Variants in GTF2H3 observed in about 807,000 individuals in gnomAD.
The protein encoded by GTF2H3 is TFIIH basal transcription factor complex p34 subunit.
Under a neutral mutation model 51.1 loss-of-function variants are expected in GTF2H3, and 42 were observed. The ratio of observed to expected loss-of-function variants is 0.82; its 90% CI spans 0.64 to 1.06. The LOEUF is 1.06. GTF2H3 is among the 50% of genes least tolerant of loss of function. The pLI is 0.00. For missense variants in GTF2H3, 326 were observed against 366.1 expected (o/e 0.89, Z 0.89); for synonymous variants, 123 against 123.8 (o/e 0.99, Z 0.04).
chr12:123,651,357 G>A lies in GTF2H3; in HGVS notation c.427+301G>A, dbSNP rs1318807163. 2.6e-5 allele frequency among the ~76,000 whole-genome samples: 4 copies of A among 151,982 alleles called. No homozygotes were observed. The East Asian group carries it at 5.8e-4, about 22-fold the overall frequency. On this transcript the variant is annotated intron_variant, in intron 5 of 12. Coordinates refer to ENST00000543341, the MANE Select transcript of GTF2H3 (RefSeq NM_001516.5). ...TCCCAAGTAGCTGGTACAGGCACCC[G>A]CCATCACTCCCGGCTAATTTTTTTT... is the stretch of plus-strand genomic sequence containing the variant.
In GTF2H3 at chr12:123,652,094, G is replaced by A. The variant is rs186421608; in HGVS notation, c.428-438G>A. ...TAGGTGAACGGGTTGTTTTGCATAG[G>A]GCAATACCTTTTCATTTTATCTGTG... On this transcript the variant is annotated intron_variant, in intron 5 of 12. Transcript: ENST00000543341. Among the ~76,000 whole-genome samples the A allele has an allele frequency of 2.0e-3, 299 of 152,196 alleles. 1 individual carries two copies. Among genetic ancestry groups the A allele is most frequent in the African/African-American group, 6.6e-3 (272 of 41,496 alleles).
rs1955534147 is a variant in GTF2H3 at position 123,652,730 on chromosome 12, A to T, written c.481A>T (p.Ile161Leu). Reference sequence around the variant, plus strand: ...AGACAATCAGGAAATGAAATCAAGGATATTGGTAAGATAAAAAAATCATTA... The same window carrying T: ...AGACAATCAGGAAATGAAATCAAGGTTATTGGTAAGATAAAAAAATCATTA... ...VKDNQEMKSR[I>L]LVIKAAEDSA... The change falls in exon 7 of 13, where the codon ATA becomes TTA. Residue 161 changes from isoleucine to leucine, a missense_variant. Physicochemically the swap from Ile to Leu is conservative, Grantham distance 5 (BLOSUM62 2). Coordinates refer to ENST00000543341, the MANE Select transcript of GTF2H3 (RefSeq NM_001516.5). 1.3e-6 allele frequency: 2 copies of T among 1,498,696 alleles called. No homozygotes were observed. The highest frequency in any genetic ancestry group is 2.2e-5 in the Admixed American group (1 of 46,066). The allele number at this position is 1,498,696 out of a possible 1,614,324, so 92.8% of individuals were successfully genotyped here. A position where few individuals can be genotyped will look rare whatever the true frequency, so the allele number is the denominator to read the frequency against.
chr12:123,652,239 A>G (rs1955529501), intron 5 of GTF2H3, among the ~76,000 whole-genome samples: 1 of 152,244 alleles, frequency 6.6e-6, no homozygotes, highest in Non-Finnish European at 1.5e-5. Flanking sequence ...TACTTGTCCC[A>G]GGATTCAAAT....
intron 2 of GTF2H3, 25 bp downstream of exon 2, chr12:123,639,368 G>A (rs1306646943): frequency 3.4e-6 from 4 of 1,193,584 alleles, no homozygotes; most frequent in Non-Finnish European, 5.0e-6. Context: ...GGAGGCCTTT[G>A]GAGAATTCTG....
chr12:123,642,046 G>T (rs564181960), intron 2 of GTF2H3, among the ~76,000 whole-genome samples: 2 of 151,764 alleles, frequency 1.3e-5, no homozygotes, highest in Admixed American at 1.3e-4. Flanking sequence ...TAGTGACAGG[G>T]TTTCACCATA....
intron 1 of GTF2H3, among the ~76,000 whole-genome samples, chr12:123,638,942 CCCA>C (rs1440221373): frequency 6.6e-6 from 1 of 151,832 alleles, no homozygotes; most frequent in Non-Finnish European, 1.5e-5. Context: ...ACTACAGGCG[CCCA>C]CCACCACGCC....
intron 8 of GTF2H3, 91 bp from the exon 9 acceptor site, chr12:123,655,680 T>A: frequency 1.3e-6 from 1 of 772,280 alleles, no homozygotes; most frequent in Non-Finnish European, 2.2e-6. Flanking sequence ...TGAGCTATTT[T>A]AAGCATAGAG....
chr12:123,645,404 G>T, intron 2 of GTF2H3, 51 bp from the exon 3 acceptor site: 1 of 964,656 alleles, frequency 1.0e-6, no homozygotes, highest in South Asian at 1.3e-5. Flanking sequence ...GACCTGACAT[G>T]GTTATTTGGA....
intron 8 of GTF2H3, 43 bp from the exon 9 acceptor site, chr12:123,655,725 CATT>C: frequency 1.8e-6 from 2 of 1,118,014 alleles, no homozygotes; most frequent in Admixed American, 3.4e-5. Flanking sequence ...ATAGGGTAAT[CATT>C]ATTGTTATTA....
chr12:123,657,362 A>G (rs1166987947), intron 9 of GTF2H3, among the ~76,000 whole-genome samples: 2 of 152,278 alleles, frequency 1.3e-5, no homozygotes, highest in East Asian at 3.9e-4. Flanking sequence ...TTTGCCCCGC[A>G]TCTTCCACAC....
At position 123,645,458 on chromosome 12, in the gene GTF2H3, A is replaced by G; in HGVS notation, c.97A>G (p.Thr33Ala). The change falls in exon 3 of 13, where the codon ACT (threonine) becomes GCT (alanine). Residue 33 changes from threonine to alanine, a missense_variant. Physicochemically the swap from Thr to Ala is moderately conservative, Grantham distance 58 (BLOSUM62 0). Coordinates refer to ENST00000543341, the MANE Select transcript of GTF2H3 (RefSeq NM_001516.5). ...GKQALKESQF[T>A]LSKCIDAVMV... ...AATGTCTTTTTTTTTCCAACAGTTC[A>G]CTTTATCCAAATGCATAGATGCCGT... is the stretch of plus-strand genomic sequence containing the variant. The G allele has an allele frequency of 6.4e-7, 1 of 1,550,872 alleles. No homozygotes were observed. Among genetic ancestry groups the G allele is most frequent in the Non-Finnish European group, 8.9e-7 (1 of 1,123,690 alleles).
At chr12:123,650,552 G>C (rs941331595) in intron 4 of GTF2H3, 1 of 157,656 alleles carries the variant, frequency 6.3e-6, no homozygotes, top group Non-Finnish European at 1.4e-5. Flanking sequence ...CCATTTTACC[G>C]ATTTTTAGAA....
chr12:123,659,360 C>G (rs1246306721), intron 9 of GTF2H3, 156 bp from the exon 10 acceptor site: 1 of 659,178 alleles, frequency 1.5e-6, no homozygotes, highest in Non-Finnish European at 2.7e-6. Flanking sequence ...GAGCAAGACT[C>G]TGTCAAAATA....
chr12:123,655,283 G>T (rs1404720111), intron 8 of GTF2H3, among the ~76,000 whole-genome samples: 1 of 152,084 alleles, frequency 6.6e-6, no homozygotes, highest in East Asian at 1.9e-4. Flanking sequence ...AAGAATCCCT[G>T]GTTTGACAGT....
rs1170003882 is a variant in GTF2H3 at position 123,660,154 on chromosome 12, C to G, written c.858-12C>G. 2 of 1,608,982 alleles carry G rather than the reference C, an allele frequency of 1.2e-6. No homozygotes were observed. The highest frequency in any genetic ancestry group is 1.7e-4 in the Middle Eastern group (1 of 5,874). ...AGAACATTAAAAAATGTTTTCCTCTCTGTAATTTCAGGACAGCCTTTAAAA... is the reference window on the plus strand; with the variant it reads ...AGAACATTAAAAAATGTTTTCCTCTGTGTAATTTCAGGACAGCCTTTAAAA... On this transcript the variant is annotated splice_polypyrimidine_tract_variant and intron_variant, in intron 12 of 12. Coordinates refer to ENST00000543341, the MANE Select transcript of GTF2H3 (RefSeq NM_001516.5).
chr12:123,655,558 G>C (rs1003852505), intron 8 of GTF2H3: 1 of 473,992 alleles, frequency 2.1e-6, no homozygotes, highest in African/African-American at 2.0e-5. Flanking sequence ...CATGCCGAGT[G>C]GGGTGACAGC....
intron 2 of GTF2H3, among the ~76,000 whole-genome samples, chr12:123,640,477 C>T (rs1955354533): frequency 1.3e-5 from 2 of 151,612 alleles, no homozygotes; most frequent in African/African-American, 4.9e-5. Context: ...GCTGGGATTA[C>T]AGGCATCCGT....
chr12:123,634,211 A>G (rs1247244921), intron 1 of GTF2H3, among the ~76,000 whole-genome samples: 1 of 152,076 alleles, frequency 6.6e-6, no homozygotes, highest in Non-Finnish European at 1.5e-5. Context: ...GAGGCCGAGG[A>G]GGGAGAATCG....
intron 9 of GTF2H3, among the ~76,000 whole-genome samples, chr12:123,658,436 T>TA (rs1955613459): frequency 6.6e-6 from 1 of 152,194 alleles, no homozygotes; most frequent in African/African-American, 2.4e-5. Flanking sequence ...GTTAGGCTGG[T>TA]ATCGAACTCC....
Sources: gnomAD v4.1 joint callset for allele counts (sites outside exome capture counted in the v4.1 genomes callset) on GRCh38, gnomAD v4.1.1 for gene constraint, MANE v1.5 for transcripts, NCBI Gene and HGNC (gene_info 2026-07-23, HGNC 2026-07-21) for gene names.